Variants in WDR49 observed in about 807,000 individuals in gnomAD.
WDR49 encodes the protein cilia- and flagella-associated protein 337.
A neutral mutation model predicts 119.5 loss-of-function variants in WDR49; 107 were observed. The observed-to-expected ratio is 0.90, with a 90% CI of 0.77 to 1.05. The LOEUF is 1.05. Among genes scored for constraint, WDR49 ranks in the 50% least tolerant of loss-of-function variants. The probability of loss-of-function intolerance (pLI) is 0.00; values close to 1 mark genes in which losing one functional copy is unlikely to be tolerated. For missense variants in WDR49, 1,240 were observed against 1,220.5 expected, an observed-to-expected ratio of 1.02 and a Z score of -0.24; for synonymous variants, 425 against 418.8, an observed-to-expected ratio of 1.01 and a Z score of -0.18.
At chr3:167,657,135 A>T (rs551584337), upstream of WDR49, among the ~76,000 whole-genome samples, 1 of 152,182 alleles carries the variant, frequency 6.6e-6, no homozygotes, top group Non-Finnish European at 1.5e-5. Context: ...CCTTCCTTTT[A>T]TATTATTTAA....
intron 7 of WDR49, among the ~76,000 whole-genome samples, chr3:167,579,964 A>G (rs148659585): frequency 6.6e-6 from 1 of 152,106 alleles, no homozygotes; most frequent in South Asian, 2.1e-4. Flanking sequence ...ATAACTCCAC[A>G]GTACTGATGA....
intron 7 of WDR49, among the ~76,000 whole-genome samples, chr3:167,582,989 CAGAT>C (rs1049571884): frequency 1.5e-4 from 23 of 151,344 alleles, no homozygotes; most frequent in African/African-American, 4.9e-4. Flanking sequence ...CACACACACA[CAGAT>C]AGAGAGAGAA....
intron 9 of WDR49, among the ~76,000 whole-genome samples, chr3:167,556,740 G>A (rs1364225361): frequency 6.6e-6 from 1 of 152,020 alleles, no homozygotes; most frequent in Non-Finnish European, 1.5e-5. Context: ...ACAAAAATTA[G>A]GCAGGGCCGG....
intron 10 of WDR49, among the ~76,000 whole-genome samples, chr3:167,538,767 A>C (rs73878741): frequency 8.0e-4 from 122 of 152,294 alleles, no homozygotes; most frequent in African/African-American, 2.6e-3. Context: ...GAAATCAAAG[A>C]AGGCTGAGTT....
intron 2 of WDR49, 102 bp from the exon 3 acceptor site, chr3:167,627,394 G>A (rs1427208639): frequency 9.2e-7 from 1 of 1,084,306 alleles, no homozygotes; most frequent in African/African-American, 1.6e-5. Context: ...CAGCAATTCT[G>A]CCAACATGAA....
chr3:167,521,104 G>T (rs945988840), intron 16 of WDR49, among the ~76,000 whole-genome samples: 2 of 152,004 alleles, frequency 1.3e-5, no homozygotes, highest in East Asian at 3.9e-4. Flanking sequence ...GGGAAACAGT[G>T]GAAAAGTTGG....
chr3:167,525,261 C>G (rs1278899538), intron 15 of WDR49, among the ~76,000 whole-genome samples: 1 of 151,982 alleles, frequency 6.6e-6, no homozygotes, highest in Admixed American at 6.6e-5. Flanking sequence ...AATTTTGTAT[C>G]CTGAGACTTT....
At chr3:167,651,020 A>G (rs1431664205) in intron 2 of WDR49, among the ~76,000 whole-genome samples, 1 of 152,186 alleles carries the variant, frequency 6.6e-6, no homozygotes, top group African/African-American at 2.4e-5. Flanking sequence ...ATACAACTGC[A>G]CAATGAACAT....
intron 2 of WDR49, among the ~76,000 whole-genome samples, chr3:167,629,755 T>C (rs1374450363): frequency 6.6e-6 from 1 of 152,090 alleles, no homozygotes; most frequent in Non-Finnish European, 1.5e-5. Flanking sequence ...CCAACCCTCA[T>C]GGAAGACTTT....
chr3:167,547,915 C>A (rs1577231614), intron 10 of WDR49, among the ~76,000 whole-genome samples: 1 of 152,058 alleles, frequency 6.6e-6, no homozygotes, highest in South Asian at 2.1e-4. Context: ...ATACAAAAAG[C>A]CTTTTCAACT....
At chr3:167,556,501 G>C (rs114663934) in intron 9 of WDR49, among the ~76,000 whole-genome samples, 1,652 of 152,324 alleles carry the variant, frequency 0.011, 21 homozygotes, top group African/African-American at 0.038. Context: ...CTTTAAGAGA[G>C]AGCATCATTA....
At chr3:167,618,914 G>T (rs1435052681) in intron 5 of WDR49, among the ~76,000 whole-genome samples, 2 of 152,144 alleles carry the variant, frequency 1.3e-5, no homozygotes, top group African/African-American at 4.8e-5. Context: ...CATTGGTATG[G>T]TTGATTTTTT....
At chr3:167,535,016 G>A (rs187593714) in intron 11 of WDR49, among the ~76,000 whole-genome samples, 3 of 152,298 alleles carry the variant, frequency 2.0e-5, no homozygotes, top group African/African-American at 7.2e-5. Context: ...CTTATTGTGT[G>A]CTGAGCACTG....
At chr3:167,554,949 A>T in intron 9 of WDR49, 151 bp from the exon 10 acceptor site, 1 of 571,370 alleles carries the variant, frequency 1.8e-6, no homozygotes, top group Non-Finnish European at 3.0e-6. Context: ...ATATTGTGAA[A>T]TATCTAGTTG....
intron 8 of WDR49, among the ~76,000 whole-genome samples, chr3:167,565,108 GAAT>G (rs1232689530): frequency 6.6e-6 from 1 of 152,126 alleles, no homozygotes; most frequent in East Asian, 1.9e-4. Flanking sequence ...GAGGTGAAGA[GAAT>G]GATGATATCT....
intron 8 of WDR49, among the ~76,000 whole-genome samples, chr3:167,574,652 C>A (rs1241314449): frequency 6.6e-6 from 1 of 152,030 alleles, no homozygotes; most frequent in Non-Finnish European, 1.5e-5. Context: ...GTCTTTATGC[C>A]CCAAATAAAT....
intron 2 of WDR49, among the ~76,000 whole-genome samples, chr3:167,629,053 T>G (rs1343896101): frequency 6.6e-6 from 1 of 152,028 alleles, no homozygotes; most frequent in Non-Finnish European, 1.5e-5. Flanking sequence ...GCCCAGAGTT[T>G]GAGAAAAGAC....
At chr3:167,613,963 T>C (rs563386579) in intron 5 of WDR49, among the ~76,000 whole-genome samples, 21 of 150,572 alleles carry the variant, frequency 1.4e-4, no homozygotes, top group African/African-American at 5.1e-4. Context: ...AAGCAATTAG[T>C]GATTTTGTTA....
At chr3:167,623,774 C>G (rs560590533) in intron 3 of WDR49, among the ~76,000 whole-genome samples, 1 of 151,978 alleles carries the variant, frequency 6.6e-6, no homozygotes, top group South Asian at 2.1e-4. Context: ...CTCTCTATAT[C>G]TATTTGAAGA....
Sources: gnomAD v4.1 joint callset for allele counts (sites outside exome capture counted in the v4.1 genomes callset) on GRCh38, gnomAD v4.1.1 for gene constraint, MANE v1.5 for transcripts, NCBI Gene and HGNC (gene_info 2026-07-23, HGNC 2026-07-21) for gene names.